The following NELL1 variants were observed in gnomAD, a reference collection of about 807,000 sequenced individuals.
The protein encoded by NELL1 is neural EGFL like 1.
NELL1 carries 76 observed loss-of-function variants against 107.4 expected under a neutral mutation model. The ratio of observed to expected loss-of-function variants is 0.71; its 90% CI spans 0.59 to 0.86. The LOEUF (loss-of-function observed/expected upper bound fraction) is 0.86. NELL1 is among the 40% of genes least tolerant of loss of function. The pLI, the probability that NELL1 is intolerant of heterozygous loss-of-function variation, is 0.00. For missense variants in NELL1, 1,024 were observed against 1,005.5 expected (o/e 1.02, Z -0.25); for synonymous variants, 353 against 341.2 (o/e 1.03, Z -0.38).
At chr11:21,543,050 G>A (rs1856332908) in intron 16 of NELL1, among the ~76,000 whole-genome samples, 1 of 151,972 alleles carries the variant, frequency 6.6e-6, no homozygotes, top group African/African-American at 2.4e-5. Context: ...AAGCACCTTA[G>A]TGGACCAGGG....
At chr11:20,702,990 C>T (rs144997497) in intron 2 of NELL1, among the ~76,000 whole-genome samples, 1 of 152,118 alleles carries the variant, frequency 6.6e-6, no homozygotes, top group East Asian at 1.9e-4. Context: ...TGTGTCTCTG[C>T]CAGGCTTTGG....
chr11:20,880,509 G>A (rs1564947647), intron 4 of NELL1, among the ~76,000 whole-genome samples: 2 of 152,326 alleles, frequency 1.3e-5, no homozygotes, highest in South Asian at 2.1e-4. Flanking sequence ...TTAGTAGACT[G>A]CGGAACTGCG....
chr11:20,833,168 A>T (rs1481134001), intron 3 of NELL1, among the ~76,000 whole-genome samples: 1 of 152,190 alleles, frequency 6.6e-6, no homozygotes, highest in African/African-American at 2.4e-5. Flanking sequence ...TGCTTTCTTC[A>T]CTAATTAAAT....
chr11:20,821,231 C>T (rs549771407), intron 3 of NELL1, among the ~76,000 whole-genome samples: 1 of 152,248 alleles, frequency 6.6e-6, no homozygotes, highest in African/African-American at 2.4e-5. Flanking sequence ...AAGACAAAGG[C>T]ACGATGCATT....
At chr11:21,351,529 A>C (rs1189489859) in intron 14 of NELL1, among the ~76,000 whole-genome samples, 1 of 152,086 alleles carries the variant, frequency 6.6e-6, no homozygotes. Context: ...CAGTAAAAAA[A>C]AAAAAAAGAA....
rs578200146 is a variant in NELL1 at position 21,463,452 on chromosome 11, A to G, written c.1646-70922A>G. Among the ~76,000 whole-genome samples the G allele has an allele frequency of 5.9e-5, 9 of 152,112 alleles. No homozygotes were observed. The East Asian group carries it at 1.2e-3, about 20-fold the overall frequency. ...CTCAATCTGTGTTTCTCAGCTCTAG[A>G]CTCCTTATTTAAATCTAAAAGTATA... On this transcript the variant is annotated intron_variant, in intron 15 of 19. Transcript: ENST00000357134.
At chr11:20,871,819 A>G (rs982382912) in intron 4 of NELL1, among the ~76,000 whole-genome samples, 8 of 151,700 alleles carry the variant, frequency 5.3e-5, no homozygotes, top group African/African-American at 1.9e-4. Flanking sequence ...GGAGATCAAA[A>G]CCATCCTGGC....
chr11:20,894,929 A>G (rs951774946), intron 5 of NELL1, among the ~76,000 whole-genome samples: 8 of 152,064 alleles, frequency 5.3e-5, no homozygotes, highest in Non-Finnish European at 1.2e-4. Flanking sequence ...CCTGAGTATA[A>G]TACATTTTTG....
chr11:21,228,803 G>A (rs1476683642), intron 13 of NELL1, among the ~76,000 whole-genome samples: 1 of 147,044 alleles, frequency 6.8e-6, no homozygotes, highest in Non-Finnish European at 1.5e-5. Context: ...GTTTCCAATT[G>A]TGGATGTTTT....
chr11:20,746,304 G>A (rs1489087875), intron 2 of NELL1, among the ~76,000 whole-genome samples: 2 of 152,146 alleles, frequency 1.3e-5, no homozygotes, highest in Non-Finnish European at 2.9e-5. Context: ...AGTTTTTCAA[G>A]AACTCTAAGG....
chr11:21,420,653 C>T (rs532709149), intron 15 of NELL1, among the ~76,000 whole-genome samples: 1 of 152,168 alleles, frequency 6.6e-6, no homozygotes, highest in African/African-American at 2.4e-5. Flanking sequence ...TCCCAGGTCC[C>T]CTTTCAGACA....
chr11:20,988,173 C>A (rs1281185623), intron 12 of NELL1, among the ~76,000 whole-genome samples: 1 of 152,058 alleles, frequency 6.6e-6, no homozygotes, highest in African/African-American at 2.4e-5. Flanking sequence ...TTCCCCTTTG[C>A]CTTTTCTGCT....
chr11:20,880,185 G>A (rs1849382478), intron 4 of NELL1, among the ~76,000 whole-genome samples: 1 of 152,194 alleles, frequency 6.6e-6, no homozygotes, highest in African/African-American at 2.4e-5. Context: ...CCCTGTCACA[G>A]TGATGTCATT....
chr11:20,819,234 A>G (rs1227795881), intron 3 of NELL1, among the ~76,000 whole-genome samples: 2 of 152,218 alleles, frequency 1.3e-5, no homozygotes, highest in African/African-American at 2.4e-5. Flanking sequence ...CGAGGCCATG[A>G]TGGACTTTCA....
chr11:20,680,307 C>T (rs1282723557), intron 2 of NELL1, among the ~76,000 whole-genome samples: 1 of 152,060 alleles, frequency 6.6e-6, no homozygotes, highest in African/African-American at 2.4e-5. Context: ...ATGTCTGTCC[C>T]ACATGCAAAA....
intron 14 of NELL1, among the ~76,000 whole-genome samples, chr11:21,268,818 C>A (rs1848683846): frequency 6.6e-6 from 1 of 152,002 alleles, no homozygotes; most frequent in African/African-American, 2.4e-5. Context: ...GTATAAAAAC[C>A]AGACTCAGAT....
intron 12 of NELL1, among the ~76,000 whole-genome samples, chr11:20,968,743 A>G (rs1220692547): frequency 6.6e-6 from 1 of 152,182 alleles, no homozygotes; most frequent in East Asian, 1.9e-4. Context: ...TCCCCTCAAA[A>G]CCATGATTCA....
chr11:21,240,772 G>T (rs993925808), intron 14 of NELL1, among the ~76,000 whole-genome samples: 36 of 145,534 alleles, frequency 2.5e-4, no homozygotes, highest in Admixed American at 7.6e-4. Context: ...CTAGTGGGGG[G>T]GGGGAGGGGG....
chr11:20,748,803 C>A (rs1856062485), intron 2 of NELL1, among the ~76,000 whole-genome samples: 1 of 150,102 alleles, frequency 6.7e-6, no homozygotes, highest in South Asian at 2.1e-4. Flanking sequence ...TTTTCTTTAT[C>A]CACTCATCAG....
Sources: allele counts gnomAD v4.1 joint callset (sites outside exome capture counted in the v4.1 genomes callset), GRCh38; gene constraint gnomAD v4.1.1; transcripts MANE v1.5; gene names NCBI Gene and HGNC (gene_info 2026-07-23, HGNC 2026-07-21).